DISC1: variants seen among roughly 807,000 people sequenced by gnomAD.
DISC1 encodes the protein disrupted in schizophrenia 1 protein.
DISC1 carries 57 observed loss-of-function variants against 84.5 expected under a neutral mutation model. The observed-to-expected ratio is 0.67, with a 90% CI of 0.55 to 0.84. The LOEUF is 0.84. Among genes scored for constraint, DISC1 ranks in the 40% least tolerant of loss-of-function variants. The pLI, the probability that DISC1 is intolerant of heterozygous loss-of-function variation, is 0.00. For missense variants in DISC1, 1,000 were observed against 1,057.8 expected, an observed-to-expected ratio of 0.95 and a Z score of 0.76; for synonymous variants, 411 against 415.2, an observed-to-expected ratio of 0.99 and a Z score of 0.12.
intron 6 of DISC1, among the ~76,000 whole-genome samples, chr1:231,775,852 C>T (rs2812390): frequency 0.6 from 90,374 of 151,670 alleles, 27,146 homozygotes; most frequent in Middle Eastern, 0.72. Flanking sequence ...TTCTCCCACA[C>T]GAAACCCATG....
At position 232,008,902 on chromosome 1, in the gene DISC1, G is replaced by A. The variant is rs763625640; in HGVS notation, c.2160G>A (p.Arg720=). ...ARGSLSVEDE[R]QMDDLEGAAP... is the part of the protein sequence containing the mutation. ...GAAGCCTGTCTGTAGAAGATGAGAG[G>A]CAGATGGATGACTTAGAGGGAGCTG... Residue 720 remains arginine (R), a synonymous_variant, in exon 11 of 13, where the codon AGG becomes AGA. Transcript: ENST00000439617. 1.5e-5 allele frequency: 24 copies of A among 1,613,788 alleles called. No individual in the cohort carries two copies. Among genetic ancestry groups the A allele is most frequent in the Non-Finnish European group, 1.9e-5 (23 of 1,179,822 alleles).
At chr1:231,836,637 G>A (rs4658952) in intron 9 of DISC1, among the ~76,000 whole-genome samples, 14 of 152,076 alleles carry the variant, frequency 9.2e-5, no homozygotes, top group Non-Finnish European at 1.3e-4. Context: ...GTCTTCCCAC[G>A]GCTTTTGGCT....
intron 9 of DISC1, among the ~76,000 whole-genome samples, chr1:231,892,559 A>G: frequency 6.6e-6 from 1 of 152,142 alleles, no homozygotes; most frequent in East Asian, 1.9e-4. Context: ...ACTATGTTAG[A>G]GAGGAGGGTG....
chr1:231,702,095 T>C (rs1310977635), intron 3 of DISC1, 71 bp downstream of exon 3: 6 of 1,547,516 alleles, frequency 3.9e-6, no homozygotes, highest in Non-Finnish European at 2.6e-6. Context: ...TACTCATATC[T>C]ACCTTTTGAA....
intron 7 of DISC1, among the ~76,000 whole-genome samples, chr1:231,798,557 G>C (rs1558563421): frequency 6.6e-6 from 1 of 152,128 alleles, no homozygotes; most frequent in Non-Finnish European, 1.5e-5. Context: ...TCAGACCTCA[G>C]ATGACATTAT....
chr1:231,767,106 C>T, intron 4 of DISC1, 34 bp from the exon 5 acceptor site: 1 of 1,609,648 alleles, frequency 6.2e-7, no homozygotes, highest in Non-Finnish European at 8.5e-7. Context: ...TCAGCTTCTG[C>T]ATACCTGTAC....
intron 10 of DISC1, among the ~76,000 whole-genome samples, chr1:231,999,324 T>G (rs1403485939): frequency 6.6e-6 from 1 of 152,114 alleles, no homozygotes; most frequent in Admixed American, 6.5e-5. Context: ...AGAGAAAACA[T>G]AGCTTCAGGG....
At chr1:231,790,588 G>A (rs369832961) in intron 6 of DISC1, among the ~76,000 whole-genome samples, 2 of 151,210 alleles carry the variant, frequency 1.3e-5, no homozygotes, top group African/African-American at 4.9e-5. Context: ...GCATGATATC[G>A]GCTCACTGCA....
At chr1:231,904,977 A>G (rs987645037) in intron 9 of DISC1, among the ~76,000 whole-genome samples, 3 of 152,328 alleles carry the variant, frequency 2.0e-5, no homozygotes, top group South Asian at 2.1e-4. Flanking sequence ...ACATATGCAA[A>G]TAAACACACT....
rs553426502 is a variant in DISC1 at position 231,876,400 on chromosome 1, G to A, written c.1981+57883G>A. ...ATGCCAGCCTCATGCTGACTGTAAAGCCTGCAGAACAATAAACCAATTAAA... is the reference window on the plus strand; with the variant it reads ...ATGCCAGCCTCATGCTGACTGTAAAACCTGCAGAACAATAAACCAATTAAA... On this transcript the variant is annotated intron_variant, in intron 9 of 12. Transcript: ENST00000439617. 2.6e-5 allele frequency among the ~76,000 whole-genome samples: 4 copies of A among 152,282 alleles called. No homozygotes were observed. The South Asian group carries it at 8.3e-4, about 32-fold the overall frequency.
At chr1:231,741,228 G>A (rs1430496277) in intron 3 of DISC1, among the ~76,000 whole-genome samples, 2 of 152,196 alleles carry the variant, frequency 1.3e-5, no homozygotes, top group East Asian at 3.9e-4. Context: ...GATGTGAAAT[G>A]TAGGAAGGGG....
Position 231,626,909 on chromosome 1 carries a change from CGGCGG to C in DISC1, c.43_47del (p.Gly15ArgfsTer73). The C allele has an allele frequency of 6.7e-7, 1 of 1,502,288 alleles. No homozygotes were observed. Among genetic ancestry groups the C allele is most frequent in the Non-Finnish European group, 8.8e-7 (1 of 1,133,856 alleles). 93.1% of individuals were successfully genotyped at this position (1,502,288 alleles called of 1,614,324 possible). A position where few individuals can be genotyped will look rare whatever the true frequency, so the allele number is the denominator to read the frequency against. ...CTCAGGGCGCCCCAGCCGCCGCCGG[CGGCGG>C]CGGCGTGAGCCACCGCGCAGGTAGG... On this transcript the variant is annotated frameshift_variant, in exon 1 of 13. Transcript: ENST00000439617. LOFTEE classifies it high-confidence loss of function.
intron 10 of DISC1, among the ~76,000 whole-genome samples, chr1:232,000,123 C>T (rs768790094): frequency 2.6e-5 from 4 of 152,042 alleles, no homozygotes; most frequent in Non-Finnish European, 4.4e-5. Flanking sequence ...AGAGAATCAA[C>T]CGATACCAGC....
chr1:231,768,377 T>C (rs1308425953), intron 5 of DISC1, among the ~76,000 whole-genome samples: 1 of 152,106 alleles, frequency 6.6e-6, no homozygotes, highest in Non-Finnish European at 1.5e-5. Flanking sequence ...AAGAGTAAGG[T>C]GGCAAAGGGA....
chr1:231,969,916 A>G (rs1661705872), intron 10 of DISC1, among the ~76,000 whole-genome samples: 2 of 152,168 alleles, frequency 1.3e-5, no homozygotes, highest in Non-Finnish European at 2.9e-5. Flanking sequence ...ATGTGCCTAC[A>G]AAGGACATGA....
At chr1:232,014,282 T>A (rs114655940) in intron 11 of DISC1, among the ~76,000 whole-genome samples, 2,800 of 152,286 alleles carry the variant, frequency 0.018, 38 homozygotes, top group African/African-American at 0.028. Flanking sequence ...ACTTTGACTC[T>A]CCAAGGAGCA....
chr1:231,764,575 G>A (rs1310626710), intron 4 of DISC1, among the ~76,000 whole-genome samples: 1 of 152,188 alleles, frequency 6.6e-6, no homozygotes, highest in East Asian at 1.9e-4. Flanking sequence ...TTCCAGGCCA[G>A]TGTATCTTCT....
chr1:231,797,046 G>A (rs142796116), intron 7 of DISC1, among the ~76,000 whole-genome samples: 3 of 152,218 alleles, frequency 2.0e-5, no homozygotes, highest in East Asian at 1.9e-4. Flanking sequence ...TATCAGGTGC[G>A]TCCTGATTTC....
At chr1:231,821,131 A>G (rs200531570) in intron 9 of DISC1, among the ~76,000 whole-genome samples, 3 of 152,198 alleles carry the variant, frequency 2.0e-5, no homozygotes, top group Non-Finnish European at 2.9e-5. Context: ...TTAAAATAGT[A>G]AATATACTAT....
Sources: allele counts gnomAD v4.1 joint callset (sites outside exome capture counted in the v4.1 genomes callset), GRCh38; gene constraint gnomAD v4.1.1; transcripts MANE v1.5; gene names NCBI Gene and HGNC (gene_info 2026-07-23, HGNC 2026-07-21).